The following ARHGEF11 variants were observed in gnomAD, a reference collection of about 807,000 sequenced individuals.
The protein encoded by ARHGEF11 is Rho guanine nucleotide exchange factor 11, also known as Rho guanine exchange factor (GEF) 11.
Under a neutral mutation model 193.7 loss-of-function variants are expected in ARHGEF11, and 55 were observed. The ratio of observed to expected loss-of-function variants is 0.28; its 90% confidence interval spans 0.23 to 0.36. The LOEUF is 0.36. ARHGEF11 is among the 10% of genes least tolerant of loss of function. ARHGEF11 has a pLI of 1.00. For synonymous variants in ARHGEF11, 693 were observed against 768.0 expected (o/e 0.90, Z 1.62); for missense variants, 1,723 against 2,005.6 (o/e 0.86, Z 2.69).
chr1:156,946,333 G>T (rs1035105834), intron 28 of ARHGEF11, among the ~76,000 whole-genome samples, 171 bp from the exon 29 acceptor site: 1 of 152,186 alleles, frequency 6.6e-6, no homozygotes, highest in African/African-American at 2.4e-5. Flanking sequence ...AGGGTGTGTG[G>T]TGGCAGGGAG....
intron 1 of ARHGEF11, among the ~76,000 whole-genome samples, chr1:156,994,487 C>A (rs369073050): frequency 1.3e-5 from 2 of 151,054 alleles, no homozygotes; most frequent in South Asian, 4.2e-4. Flanking sequence ...TGAAAAATAC[C>A]CCCAGGGTGT....
intron 17 of ARHGEF11, 134 bp downstream of exon 17, chr1:156,958,608 G>T: frequency 7.7e-7 from 1 of 1,303,630 alleles, no homozygotes; most frequent in Non-Finnish European, 1.1e-6. Context: ...CAGGAGTGCA[G>T]GACTCCCCAT....
chr1:157,016,920 T>C (rs1669314160), intron 1 of ARHGEF11, among the ~76,000 whole-genome samples: 1 of 152,010 alleles, frequency 6.6e-6, no homozygotes, highest in East Asian at 1.9e-4. Context: ...CAAGCGATCC[T>C]CCCACCTCAG....
intron 10 of ARHGEF11, 34 bp from the exon 11 acceptor site, chr1:156,968,158 T>G: frequency 6.3e-7 from 1 of 1,586,710 alleles, no homozygotes; most frequent in Non-Finnish European, 8.6e-7. Flanking sequence ...AGAAGGAACC[T>G]TGTCCGGAAG....
At chr1:157,029,665 A>G (rs1272742927) in intron 1 of ARHGEF11, among the ~76,000 whole-genome samples, 1 of 152,202 alleles carries the variant, frequency 6.6e-6, no homozygotes, top group Non-Finnish European at 1.5e-5. Context: ...AGAAATGAAC[A>G]CATATGTCCA....
At chr1:156,962,917 A>T (rs1661164964) in intron 13 of ARHGEF11, among the ~76,000 whole-genome samples, 1 of 150,380 alleles carries the variant, frequency 6.6e-6, no homozygotes. Flanking sequence ...AACTCTAGGA[A>T]GAGCAACTTC....
At position 156,946,071 on chromosome 1, in the gene ARHGEF11, A is replaced by T; in HGVS notation, c.2786T>A (p.Leu929Gln). The T allele has an allele frequency of 6.2e-7, 1 of 1,613,632 alleles. No individual in the cohort carries two copies. Among genetic ancestry groups the T allele is most frequent in the Non-Finnish European group, 8.5e-7 (1 of 1,179,916 alleles). ...CTCTGTGTGCTTGATGATGCTCTCCAGCAGCAGCGGGTACTTGGTGAGCCG... is the reference window on the plus strand; with the variant it reads ...CTCTGTGTGCTTGATGATGCTCTCCTGCAGCAGCGGGTACTTGGTGAGCCG... ...MQRLTKYPLL[L>Q]ESIIKHTEGG... Residue 929 changes from leucine (L) to glutamine (Q), a missense_variant, in exon 29 of 41, where the codon CTG (leucine) becomes CAG (glutamine). Around this residue, in one of 5 missense-constraint regions of ARHGEF11, gnomAD observed 491 missense variants for 654.5 expected, o/e 0.75. Transcript: ENST00000368194.
intron 1 of ARHGEF11, among the ~76,000 whole-genome samples, chr1:157,035,036 G>A (rs896687689): frequency 1.3e-5 from 2 of 152,178 alleles, no homozygotes; most frequent in Non-Finnish European, 2.9e-5. Context: ...GAAGCAGGGC[G>A]ACAGGGTACA....
intron 1 of ARHGEF11, among the ~76,000 whole-genome samples, chr1:157,035,401 C>CTTT (rs113951875): frequency 0.012 from 1,743 of 142,526 alleles, 31 homozygotes; most frequent in African/African-American, 0.042. Flanking sequence ...TCACAAAATG[C>CTTT]TTTTTTTTTT....
rs745876353 is a variant in ARHGEF11, at chr1:156,948,264, T to G, written c.2106-36A>C. 6.2e-7 allele frequency: 1 copy of G among 1,604,064 alleles called. No homozygotes were observed. The highest frequency in any genetic ancestry group is 8.5e-7 in the Non-Finnish European group (1 of 1,172,352). ...AATGTCAACTCTCAGCAACCCTCTA[T>G]CCTTGCCGCCACCCCTGAGATGTCC... On this transcript the variant is annotated intron_variant, in intron 23 of 40. Transcript: ENST00000368194. This position sits in a 1 kb window ranked among gnomAD's most constrained non-coding sequence, Gnocchi z 4.2.
At chr1:156,942,836 C>T (rs1404746508) in intron 32 of ARHGEF11, 56 bp from the exon 33 acceptor site, 9 of 1,453,850 alleles carry the variant, frequency 6.2e-6, no homozygotes, top group East Asian at 2.3e-5. Context: ...GGTGTGACTG[C>T]AGCCTGGGCC....
chr1:157,020,171 T>C (rs1174449997), intron 1 of ARHGEF11, among the ~76,000 whole-genome samples: 1 of 150,542 alleles, frequency 6.6e-6, no homozygotes, highest in Non-Finnish European at 1.5e-5. Context: ...CAAAGGAACA[T>C]GAGGAAACTT....
chr1:156,956,588 G>A (rs1354669433), intron 18 of ARHGEF11, 24 bp from the exon 19 acceptor site: 2 of 1,613,190 alleles, frequency 1.2e-6, no homozygotes, highest in Non-Finnish European at 1.7e-6. Context: ...ACAGTGTCCT[G>A]AATCAGAGAG....
chr1:157,019,912 G>A lies in ARHGEF11; in HGVS notation c.32+24387C>T, dbSNP rs189640497. Among the ~76,000 whole-genome samples, 162 of 152,208 alleles carry A rather than the reference G, an allele frequency of 1.1e-3. 1 individual carries two copies. The highest frequency in any genetic ancestry group is 7.5e-3 in the South Asian group (36 of 4,822). ...GAGGCCAAGGCAGGCAGATCACAAGGTCAGGAGATCGAGACCATCCTGGCT... is the reference window on the plus strand; with the variant it reads ...GAGGCCAAGGCAGGCAGATCACAAGATCAGGAGATCGAGACCATCCTGGCT... On this transcript the variant is annotated intron_variant, in intron 1 of 40. Transcript: ENST00000368194.
At chr1:156,956,107 GCT>G (rs1379779694) in intron 19 of ARHGEF11, among the ~76,000 whole-genome samples, 3 of 152,102 alleles carry the variant, frequency 2.0e-5, no homozygotes, top group Admixed American at 6.5e-5. Flanking sequence ...TTCCAGGACA[GCT>G]CTGTTACCTT....
chr1:156,941,551 G>T, intron 34 of ARHGEF11, 118 bp from the exon 35 acceptor site: 2 of 1,173,690 alleles, frequency 1.7e-6, no homozygotes, highest in Non-Finnish European at 1.2e-6. Flanking sequence ...TCACCTGGCT[G>T]GTCTGCTTGG....
chr1:157,036,139 G>A (rs373876365), intron 1 of ARHGEF11, among the ~76,000 whole-genome samples: 2 of 134,436 alleles, frequency 1.5e-5, no homozygotes, highest in Non-Finnish European at 1.6e-5. Flanking sequence ...ATATATATAT[G>A]AATATATGAA....
intron 39 of ARHGEF11, 81 bp from the exon 40 acceptor site, chr1:156,937,086 G>T: frequency 1.3e-6 from 2 of 1,572,080 alleles, no homozygotes; most frequent in South Asian, 2.4e-5. Flanking sequence ...GCTGGGCCTT[G>T]GGGAGGAGGG....
chr1:156,945,003 A>C lies in ARHGEF11; in HGVS notation c.2991+16T>G. ...CAAAGTGTGAGGGGTTGACTGCTGCAGCCTCTGCCTCCTACCTTGAACTCT... is the reference window on the plus strand; with the variant it reads ...CAAAGTGTGAGGGGTTGACTGCTGCCGCCTCTGCCTCCTACCTTGAACTCT... On this transcript the variant is annotated intron_variant, in intron 30 of 40. Transcript: ENST00000368194. 1 of 1,611,138 alleles carries C rather than the reference A, an allele frequency of 6.2e-7. No homozygotes were observed. Among genetic ancestry groups the C allele is most frequent in the Non-Finnish European group, 8.5e-7 (1 of 1,179,264 alleles).
Sources: gnomAD v4.1 joint callset for allele counts (sites outside exome capture counted in the v4.1 genomes callset) on GRCh38, gnomAD v4.1.1 for gene constraint, gnomAD v4.1.1 regional missense constraint, Gnocchi (gnomAD v3.1) non-coding constraint, MANE v1.5 for transcripts, NCBI Gene and HGNC (gene_info 2026-07-23, HGNC 2026-07-21) for gene names.